The following TESK2 variants were observed in gnomAD, a reference collection of about 807,000 sequenced individuals.
TESK2 encodes dual specificity testis-specific protein kinase 2.
In TESK2, 39 loss-of-function variants were observed where a neutral mutation model predicts 57.1. The observed-to-expected ratio is 0.68, with a 90% CI of 0.53 to 0.89. The LOEUF is 0.89. Ranked by LOEUF, TESK2 falls within the 40% of genes least tolerant of loss-of-function variation. The pLI, the probability that TESK2 is intolerant of heterozygous loss-of-function variation, is 0.00. For synonymous variants in TESK2, 249 were observed against 267.9 expected (o/e 0.93, Z 0.69); for missense variants, 646 against 732.1 (o/e 0.88, Z 1.36).
intron 2 of TESK2, among the ~76,000 whole-genome samples, chr1:45,456,664 T>C (rs375341333): frequency 1.3e-5 from 2 of 152,176 alleles, no homozygotes; most frequent in East Asian, 3.9e-4. Context: ...GGGGAGAATT[T>C]CTTAGGCAAT....
chr1:45,412,490 G>A (rs1490796666), intron 3 of TESK2, among the ~76,000 whole-genome samples: 2 of 152,144 alleles, frequency 1.3e-5, no homozygotes, highest in South Asian at 4.1e-4. Flanking sequence ...ATTAGCTAAT[G>A]CTAGTCTATT....
chr1:45,346,726 T>C lies in TESK2; in HGVS notation c.846A>G (p.Pro282=). ...AFQHMVGDCP[P]DFLQLTFNCC... The stretch of plus-strand genomic sequence containing the variant: ...AGTTGAAAGTAAGTTGCAGAAAATC[T>C]GGGGGACAGTCTCCCACCATGTGCT... The change falls in exon 9 of 11, where the codon CCA becomes CCG. Residue 282 remains proline, a synonymous_variant. Coordinates refer to ENST00000372086, the MANE Select transcript of TESK2 (RefSeq NM_007170.3). 6.2e-7 allele frequency: 1 copy of C among 1,613,984 alleles called. No individual in the cohort carries two copies. Among genetic ancestry groups the C allele is most frequent in the Non-Finnish European group, 8.5e-7 (1 of 1,179,984 alleles).
At chr1:45,468,545 T>C (rs1570760689) in intron 1 of TESK2, among the ~76,000 whole-genome samples, 1 of 152,336 alleles carries the variant, frequency 6.6e-6, no homozygotes, top group East Asian at 1.9e-4. Context: ...GAATGATTAC[T>C]TTTAAAATAA....
At chr1:45,355,980 G>A (rs1243464179) in intron 4 of TESK2, among the ~76,000 whole-genome samples, 1 of 152,126 alleles carries the variant, frequency 6.6e-6, no homozygotes, top group Non-Finnish European at 1.5e-5. Context: ...CTGTCTATAG[G>A]AAACAAAAGA....
chr1:45,424,978 C>A (rs1049176895), intron 2 of TESK2, among the ~76,000 whole-genome samples: 2 of 152,104 alleles, frequency 1.3e-5, no homozygotes, highest in Non-Finnish European at 2.9e-5. Flanking sequence ...AAACTGAAAG[C>A]CTTTCCTCTG....
intron 4 of TESK2, among the ~76,000 whole-genome samples, chr1:45,362,879 CAACT>C (rs368390827): frequency 1.3e-5 from 2 of 151,882 alleles, no homozygotes; most frequent in African/African-American, 4.8e-5. Context: ...GCCATACAAT[CAACT>C]AACACTTTTT....
intron 3 of TESK2, chr1:45,414,975 G>A (rs1650179277): frequency 3.1e-6 from 2 of 637,404 alleles, no homozygotes; most frequent in Non-Finnish European, 5.5e-6. Context: ...AAAGATAGGT[G>A]CTTTGTGGAC....
At chr1:45,399,098 CAGTT>C (rs1053611872) in intron 3 of TESK2, 1 of 299,550 alleles carries the variant, frequency 3.3e-6, no homozygotes, top group African/African-American at 2.3e-5. Flanking sequence ...GCCTTGTTCA[CAGTT>C]AGTTCTCAGT....
intron 1 of TESK2, among the ~76,000 whole-genome samples, chr1:45,471,928 C>T (rs1652780876): frequency 6.6e-6 from 1 of 152,084 alleles, no homozygotes; most frequent in Non-Finnish European, 1.5e-5. Flanking sequence ...TCAGCACTAC[C>T]ATGCTGAGCA....
At chr1:45,352,893 CT>C (rs909810518) in intron 5 of TESK2, among the ~76,000 whole-genome samples, 20 of 145,750 alleles carry the variant, frequency 1.4e-4, no homozygotes, top group South Asian at 2.2e-4. Flanking sequence ...ATGCAATTTT[CT>C]TTTTTTTTTT....
At chr1:45,416,276 A>T (rs546438971) in intron 3 of TESK2, among the ~76,000 whole-genome samples, 5 of 151,022 alleles carry the variant, frequency 3.3e-5, no homozygotes, top group South Asian at 4.2e-4. Flanking sequence ...AGAGAAAACA[A>T]GGTTTTCTCT....
chr1:45,441,013 C>T (rs904993342), intron 2 of TESK2, among the ~76,000 whole-genome samples: 10 of 152,212 alleles, frequency 6.6e-5, no homozygotes, highest in Admixed American at 2.0e-4. Context: ...CTGACTGACA[C>T]CTTCACTGTA....
At chr1:45,447,204 G>A (rs542138062) in intron 2 of TESK2, among the ~76,000 whole-genome samples, 2 of 152,296 alleles carry the variant, frequency 1.3e-5, no homozygotes, top group Admixed American at 1.3e-4. Context: ...GTGACTGAGT[G>A]AGGTCTATCT....
At chr1:45,355,164 G>A (rs1647366680) in intron 5 of TESK2, 139 bp downstream of exon 5, 2 of 1,107,956 alleles carry the variant, frequency 1.8e-6, no homozygotes, top group Non-Finnish European at 2.5e-6. Context: ...AGAAGGAAAA[G>A]ATGTAGGCTT....
chr1:45,365,452 A>AT, intron 4 of TESK2, among the ~76,000 whole-genome samples: 1 of 152,240 alleles, frequency 6.6e-6, no homozygotes, highest in South Asian at 2.1e-4. Context: ...ATGCTTGCTG[A>AT]ATACCCTTCT....
At chr1:45,397,746 G>A (rs1206579948) in intron 3 of TESK2, among the ~76,000 whole-genome samples, 1 of 152,030 alleles carries the variant, frequency 6.6e-6, no homozygotes, top group Non-Finnish European at 1.5e-5. Flanking sequence ...CTTCCATATT[G>A]TTGTGAGAAT....
intron 1 of TESK2, among the ~76,000 whole-genome samples, chr1:45,466,654 A>G (rs1231820946): frequency 6.7e-6 from 1 of 148,638 alleles, no homozygotes; most frequent in East Asian, 1.9e-4. Context: ...TATCTCAAAT[A>G]ATAATAATAA....
intron 3 of TESK2, among the ~76,000 whole-genome samples, chr1:45,390,556 A>G (rs1570680396): frequency 6.6e-6 from 1 of 150,746 alleles, no homozygotes; most frequent in African/African-American, 2.4e-5. Flanking sequence ...AATAGGTTAC[A>G]TTCTCTATCT....
chr1:45,383,922 A>T (rs1195915660), intron 4 of TESK2, among the ~76,000 whole-genome samples: 4 of 152,096 alleles, frequency 2.6e-5, no homozygotes, highest in African/African-American at 7.2e-5. Context: ...ACTTTTTCTG[A>T]TATGTTATAC....
Sources: gnomAD v4.1 joint callset for allele counts (sites outside exome capture counted in the v4.1 genomes callset) on GRCh38, gnomAD v4.1.1 for gene constraint, MANE v1.5 for transcripts, NCBI Gene and HGNC (gene_info 2026-07-23, HGNC 2026-07-21) for gene names.